Variants in CSMD1 observed in about 807,000 individuals in gnomAD.
The protein encoded by CSMD1 is CUB and sushi domain-containing protein 1.
A neutral mutation model predicts 417.5 loss-of-function variants in CSMD1; 213 were observed. The observed-to-expected ratio is 0.51, with a 90% CI of 0.46 to 0.57. The LOEUF is 0.57. Ranked by LOEUF, CSMD1 falls within the 20% of genes least tolerant of loss-of-function variation. The pLI, the probability that CSMD1 is intolerant of heterozygous loss-of-function variation, is 0.00. For synonymous variants in CSMD1, 2,862 were observed against 1,736.8 expected (o/e 1.65, Z -16.11); for missense variants, 6,923 against 4,529.7 (o/e 1.53, Z -15.17).
intron 1 of CSMD1, among the ~76,000 whole-genome samples, chr8:4,719,387 C>T (rs1808902638): frequency 6.6e-6 from 1 of 152,298 alleles, no homozygotes; most frequent in East Asian, 1.9e-4. Flanking sequence ...TTCTCTCCCT[C>T]CCTTCCTGCC....
chr8:4,445,464 T>C (rs1368400981), intron 2 of CSMD1, among the ~76,000 whole-genome samples: 3 of 152,166 alleles, frequency 2.0e-5, no homozygotes, highest in Non-Finnish European at 2.9e-5. Flanking sequence ...CTCCAGTGAG[T>C]CACTTAAGAA....
intron 22 of CSMD1, among the ~76,000 whole-genome samples, chr8:3,344,466 A>T (rs1807858831): frequency 6.6e-6 from 1 of 152,206 alleles, no homozygotes; most frequent in African/African-American, 2.4e-5. Flanking sequence ...AAAATAAAAT[A>T]AAGTAAAATA....
At chr8:3,977,204 T>A (rs1490502665) in intron 5 of CSMD1, among the ~76,000 whole-genome samples, 1 of 152,184 alleles carries the variant, frequency 6.6e-6, no homozygotes, top group African/African-American at 2.4e-5. Flanking sequence ...TCACAATCAG[T>A]GAACACGTGC....
intron 3 of CSMD1, among the ~76,000 whole-genome samples, chr8:4,078,886 A>G (rs1425931488): frequency 2.4e-5 from 3 of 126,636 alleles, no homozygotes; most frequent in African/African-American, 3.4e-5. Flanking sequence ...AATTAATAAT[A>G]ATAATAATAA....
At position 2,940,372 on chromosome 8, in the gene CSMD1, G is replaced by T. The variant is rs540102301; in HGVS notation, c.10536-1628C>A. The stretch of plus-strand genomic sequence containing the variant: ...CTCTTGAGAACTGTGAGAGGGAACA[G>T]CTTCCTTCATATTCAACATGCAGGG... On this transcript the variant is annotated intron_variant, in intron 69 of 69. Transcript: ENST00000635120. Among the ~76,000 whole-genome samples, 786 of 152,324 alleles carry T rather than the reference G, an allele frequency of 5.2e-3. 3 individuals are homozygous for T. The highest frequency in any genetic ancestry group is 8.6e-3 in the Non-Finnish European group (585 of 68,040).
At chr8:2,948,398 T>C (rs181068446) in intron 68 of CSMD1, among the ~76,000 whole-genome samples, 16 of 151,946 alleles carry the variant, frequency 1.1e-4, no homozygotes, top group Non-Finnish European at 2.1e-4. Flanking sequence ...TTTCCACATA[T>C]GTTCCTCCTT....
At chr8:3,444,070 T>TAC (rs139008163) in intron 12 of CSMD1, among the ~76,000 whole-genome samples, 8 of 151,858 alleles carry the variant, frequency 5.3e-5, no homozygotes, top group Non-Finnish European at 1.0e-4. Context: ...CTTTGTTCTA[T>TAC]ACACACACAC....
chr8:4,152,409 T>C (rs556795437), intron 3 of CSMD1, among the ~76,000 whole-genome samples: 5 of 152,168 alleles, frequency 3.3e-5, no homozygotes, highest in Admixed American at 1.3e-4. Context: ...CCAGGCACAG[T>C]GGCTCACACC....
intron 1 of CSMD1, among the ~76,000 whole-genome samples, chr8:4,923,766 T>C (rs1386233374): frequency 2.0e-5 from 3 of 152,172 alleles, no homozygotes; most frequent in Admixed American, 6.5e-5. Context: ...CATTCTATTA[T>C]ATATCTCCAA....
intron 4 of CSMD1, among the ~76,000 whole-genome samples, chr8:4,014,226 G>C (rs937839628): frequency 1.3e-5 from 2 of 151,906 alleles, no homozygotes; most frequent in Admixed American, 6.6e-5. Flanking sequence ...TCTTTCCTTA[G>C]GAAAAAAATC....
intron 1 of CSMD1, among the ~76,000 whole-genome samples, chr8:4,640,005 A>T (rs886963239): frequency 6.6e-6 from 1 of 152,236 alleles, no homozygotes; most frequent in Non-Finnish European, 1.5e-5. Flanking sequence ...AGTAAATCAA[A>T]AAAAGGGAAG....
At chr8:3,083,610 T>TTATATA (rs1554507974) in intron 49 of CSMD1, among the ~76,000 whole-genome samples, 49 of 30,890 alleles carry the variant, frequency 1.6e-3, no homozygotes, top group South Asian at 3.5e-3. Flanking sequence ...ACCATAATTT[T>TTATATA]TATATATATA....
intron 5 of CSMD1, among the ~76,000 whole-genome samples, chr8:3,935,770 T>A (rs2129701781): frequency 6.6e-6 from 1 of 152,242 alleles, no homozygotes; most frequent in Non-Finnish European, 1.5e-5. Context: ...ATAATCAAAT[T>A]AGGCCAATTA....
rs190611928 is a variant in CSMD1 at position 4,361,505 on chromosome 8, G to A, written c.415+58448C>T. On this transcript the variant is annotated intron_variant, in intron 3 of 69. Coordinates refer to ENST00000635120, the MANE Select transcript of CSMD1 (RefSeq NM_033225.6). Reference sequence around the variant, plus strand: ...ATTTCCACTTTACAGATTAGAAGACGGAGGCCTGCAAGATCAGGTAACGAC... The same window carrying A: ...ATTTCCACTTTACAGATTAGAAGACAGAGGCCTGCAAGATCAGGTAACGAC... 3.2e-3 allele frequency among the ~76,000 whole-genome samples: 481 copies of A among 152,182 alleles called. 8 individuals are homozygous for A. Among genetic ancestry groups the A allele is most frequent in the Non-Finnish European group, 1.9e-3 (132 of 67,984 alleles).
intron 3 of CSMD1, among the ~76,000 whole-genome samples, chr8:4,122,196 G>A (rs999910826): frequency 2.6e-5 from 4 of 152,086 alleles, no homozygotes; most frequent in South Asian, 2.1e-4. Flanking sequence ...CTCCAACACC[G>A]TGTTAATGAT....
rs398006945 is a variant in CSMD1, at chr8:3,390,379, A to AAG, written c.2594-2698_2594-2697insCT. ...CAAAAAAAAAAAAAAAAAAAAAAAA[A>AAG]GGAATTTTGTAGCAGGTGATTTATC... On this transcript the variant is annotated intron_variant, in intron 17 of 69. Coordinates refer to ENST00000635120, the MANE Select transcript of CSMD1 (RefSeq NM_033225.6). Among the ~76,000 whole-genome samples, 28 of 140,230 alleles carry AAG rather than the reference A, an allele frequency of 2.0e-4. No homozygotes were observed. The South Asian group carries it at 5.1e-3, about 26-fold the overall frequency. The allele number at this position is 140,230 out of a possible 152,430, so 92.0% of individuals were successfully genotyped here. A position where few individuals can be genotyped will look rare whatever the true frequency, so the allele number is the denominator to read the frequency against.
chr8:4,712,566 C>G (rs1171053647), intron 1 of CSMD1, among the ~76,000 whole-genome samples: 1 of 152,090 alleles, frequency 6.6e-6, no homozygotes, highest in African/African-American at 2.4e-5. Flanking sequence ...TAGAAGAGAA[C>G]AGAAAGAAGG....
rs558506590 is a variant in CSMD1 at position 4,805,152 on chromosome 8, T to C, written c.86-167594A>G. On this transcript the variant is annotated intron_variant, in intron 1 of 69. Transcript: ENST00000635120. ...CCTGATTCTGCAGGGACGATGTTTT[T>C]TCCCCCTGGATGTCAGTTTACTCGT... 7.8e-4 allele frequency among the ~76,000 whole-genome samples: 119 copies of C among 152,342 alleles called. 3 individuals carry two copies. The South Asian group carries it at 0.023, about 29-fold the overall frequency.
At chr8:4,824,577 G>A (rs1186035705) in intron 1 of CSMD1, among the ~76,000 whole-genome samples, 4 of 152,126 alleles carry the variant, frequency 2.6e-5, no homozygotes, top group Non-Finnish European at 5.9e-5. Flanking sequence ...TCTCAAACAA[G>A]ACAGTCTTTC....
Sources: allele counts gnomAD v4.1 joint callset (sites outside exome capture counted in the v4.1 genomes callset), GRCh38; gene constraint gnomAD v4.1.1; transcripts MANE v1.5; gene names NCBI Gene and HGNC (gene_info 2026-07-23, HGNC 2026-07-21).